Variants in ACP2 observed in about 807,000 individuals in gnomAD.
ACP2 encodes lysosomal acid phosphatase.
Under a neutral mutation model 54.7 loss-of-function variants are expected in ACP2, and 35 were observed. The ratio of observed to expected loss-of-function variants is 0.64; its 90% CI spans 0.49 to 0.85. The LOEUF (loss-of-function observed/expected upper bound fraction) is 0.85. Among genes scored for constraint, ACP2 ranks in the 40% least tolerant of loss-of-function variants. The pLI is 0.00. For synonymous variants in ACP2, 210 were observed against 224.4 expected (o/e 0.94, Z 0.57); for missense variants, 492 against 565.0 (o/e 0.87, Z 1.31).
At chr11:47,244,074 C>T (rs1451602493) in intron 7 of ACP2, among the ~76,000 whole-genome samples, 1 of 151,910 alleles carries the variant, frequency 6.6e-6, no homozygotes, top group African/African-American at 2.4e-5. Flanking sequence ...GAGGTGGAGG[C>T]TGCAATGAGC....
intron 10 of ACP2, 74 bp downstream of exon 10, chr11:47,242,649 G>C: frequency 6.5e-7 from 1 of 1,535,544 alleles, no homozygotes; most frequent in Non-Finnish European, 8.9e-7. Context: ...AAGTGCGACA[G>C]CTCTTGAGAT....
rs369759837 is a variant in ACP2 at position 47,242,788 on chromosome 11, G to A, written c.1073C>T (p.Thr358Ile). 2.1e-5 allele frequency: 34 copies of A among 1,614,104 alleles called. No individual in the cohort carries two copies. The highest frequency in any genetic ancestry group is 2.7e-5 in the Non-Finnish European group (32 of 1,180,032). ...RCPLQDFLRL[T>I]EPVVPKDWQQ... ...CCAATCCTTGGGCACGACGGGCTCTGTGAGGCGAAGGAAGTCCTGCAGTGG... is the reference window on the plus strand; with the variant it reads ...CCAATCCTTGGGCACGACGGGCTCTATGAGGCGAAGGAAGTCCTGCAGTGG... Residue 358 changes from threonine (T) to isoleucine (I), a missense_variant, in exon 10 of 11, where the codon ACA (threonine) becomes ATA (isoleucine). Thr to Ile is a moderately conservative substitution (Grantham distance 89, BLOSUM62 -1). Transcript: ENST00000672073.
rs539669679 is a variant in ACP2, at chr11:47,240,112, G to C, written c.*4C>G. The C allele has an allele frequency of 5.0e-6, 8 of 1,612,816 alleles. No homozygotes were observed. In the East Asian group the frequency reaches 1.8e-4, roughly 36 times the overall value. ...GAGGTGGAGGGAAGGGGGCTGAGTG[G>C]TTGTCAGGCGTGGTCCTCCCCATCT... On this transcript the variant is annotated 3_prime_UTR_variant, in exon 11 of 11. Coordinates refer to ENST00000672073, the MANE Select transcript of ACP2 (RefSeq NM_001610.4).
At chr11:47,245,867 T>TGTGTGTGTGTGTGTGG in intron 3 of ACP2, 33 bp from the exon 4 acceptor site, 1 of 1,515,582 alleles carries the variant, frequency 6.6e-7, no homozygotes, top group South Asian at 1.3e-5. Flanking sequence ...CGTGTGTGTG[T>TGTGTGTGTGTGTGTGG]GTGTGTGTGT....
rs1779819810 is a variant in ACP2 at position 47,242,783 on chromosome 11, GCT to G, written c.1076_1077del (p.Glu359AlafsTer104). On this transcript the variant is annotated frameshift_variant, in exon 10 of 11. Coordinates refer to ENST00000672073, the MANE Select transcript of ACP2 (RefSeq NM_001610.4). LOFTEE classifies it high-confidence loss of function. ...CPLQDFLRLTEPVVPKDWQQE... is the reference protein window; with the variant it reads ...CPLQDFLRLTXPVVPKDWQQE... ...TGCTGCCAATCCTTGGGCACGACGG[GCT>G]CTGTGAGGCGAAGGAAGTCCTGCAG... is the stretch of plus-strand genomic sequence containing the variant. 6.2e-7 allele frequency: 1 copy of G among 1,614,188 alleles called. No homozygotes were observed. The highest frequency in any genetic ancestry group is 8.5e-7 in the Non-Finnish European group (1 of 1,180,016).
In ACP2 at chr11:47,245,714, G is replaced by T; in HGVS notation, c.418C>A (p.Pro140Thr). The change falls in exon 4 of 11, where the codon CCT becomes ACT. Residue 140 changes from proline to threonine, a missense_variant. Coordinates refer to ENST00000672073, the MANE Select transcript of ACP2 (RefSeq NM_001610.4). ...TCAGTGATGGGCACAGTGTGCACAG[G>T]AATAGGCTGCCACGAGATGTTCGGG... is the stretch of plus-strand genomic sequence containing the variant. ...FNPNISWQPIPVHTVPITEDR... is the reference protein window; with the variant it reads ...FNPNISWQPITVHTVPITEDR... The T allele has an allele frequency of 6.2e-7, 1 of 1,613,860 alleles. No individual in the cohort carries two copies. The highest frequency in any genetic ancestry group is 1.1e-5 in the South Asian group (1 of 91,012).
In ACP2 at chr11:47,240,081, C is replaced by T. The variant is rs754800835; in HGVS notation, c.*35G>A. ...CAGGAGCGAGGGCCCAGCCCACCTC[C>T]CCTAGGAGGTGGAGGGAAGGGGGCT... is the stretch of plus-strand genomic sequence containing the variant. On this transcript the variant is annotated 3_prime_UTR_variant, in exon 11 of 11. Transcript: ENST00000672073. The T allele has an allele frequency of 3.7e-6, 6 of 1,603,416 alleles. No individual in the cohort carries two copies. In the South Asian group the frequency reaches 5.6e-5, roughly 15 times the overall value.
chr11:47,243,031 G>A lies in ACP2; in HGVS notation c.949C>T (p.Gln317Ter), dbSNP rs963819716. ...YASCHIFELY[Q>*]EDSGNFSVEM... ...AGCTCCACTCACCCAGAATCTTCCT[G>A]GTACAGTTCAAATATGTGGCAGGAG... Residue 317 changes from glutamine to a stop codon, truncating the protein, a stop_gained, in exon 9 of 11, where the codon CAG becomes TAG. Transcript: ENST00000672073. LOFTEE classifies it high-confidence loss of function. 1 of 1,614,222 alleles carries A rather than the reference G, an allele frequency of 6.2e-7. No individual in the cohort carries two copies. The highest frequency in any genetic ancestry group is 1.6e-4 in the Middle Eastern group (1 of 6,062).
rs769811216 is a variant in ACP2, at chr11:47,245,768, A to G, written c.364T>C (p.Phe122Leu). 73 of 1,612,870 alleles carry G rather than the reference A, an allele frequency of 4.5e-5. No homozygotes were observed. The highest frequency in any genetic ancestry group is 5.8e-5 in the Non-Finnish European group (68 of 1,179,312). The change falls in exon 4 of 11, where the codon TTC (phenylalanine) becomes CTC (leucine). Residue 122 changes from phenylalanine (F) to leucine (L), a missense_variant. Phe to Leu is a conservative substitution (Grantham distance 22, BLOSUM62 0). Transcript: ENST00000672073. Reference sequence around the variant, plus strand: ...AAGCGCTGCATCCCGTTGGGAGGGAAGAGTCCAGCCAGGTTGGCCTCAGCA... The same window carrying G: ...AAGCGCTGCATCCCGTTGGGAGGGAGGAGTCCAGCCAGGTTGGCCTCAGCA... ...MSAEANLAGLFPPNGMQRFNP... is the reference protein window; with the variant it reads ...MSAEANLAGLLPPNGMQRFNP...
intron 3 of ACP2, among the ~76,000 whole-genome samples, chr11:47,246,445 G>A (rs370943785): frequency 3.3e-5 from 5 of 151,888 alleles, no homozygotes; most frequent in African/African-American, 4.8e-5. Context: ...CAAGTGTGGC[G>A]GGCACTTGTA....
intron 2 of ACP2, 70 bp from the exon 3 acceptor site, chr11:47,247,797 C>A: frequency 6.8e-7 from 1 of 1,469,270 alleles, no homozygotes; most frequent in Non-Finnish European, 9.3e-7. Flanking sequence ...GGGGTTTAGG[C>A]CCTGTTGCTT....
At position 47,244,876 on chromosome 11, in the gene ACP2, C is replaced by A. The variant is rs372228214; in HGVS notation, c.640-9G>T. Reference sequence around the variant, plus strand: ...CGCAGCCCGTGCGTTTGCTGTGTATCGCAGCAGGCAGGTTAGCGCCCCAGG... The same window carrying A: ...CGCAGCCCGTGCGTTTGCTGTGTATAGCAGCAGGCAGGTTAGCGCCCCAGG... On this transcript the variant is annotated splice_polypyrimidine_tract_variant and intron_variant, in intron 6 of 10. Transcript: ENST00000672073. The A allele has an allele frequency of 1.3e-6, 2 of 1,596,178 alleles. No homozygotes were observed. Among genetic ancestry groups the A allele is most frequent in the Admixed American group, 3.4e-5 (2 of 58,362 alleles).
At position 47,245,456 on chromosome 11, in the gene ACP2, A is replaced by C; in HGVS notation, c.549+18T>G. ...GGGAAAAGACAGCGTGGTGAGCTGCACCTCTGCCCCCACTCACTGCATTCC... is the reference window on the plus strand; with the variant it reads ...GGGAAAAGACAGCGTGGTGAGCTGCCCCTCTGCCCCCACTCACTGCATTCC... On this transcript the variant is annotated intron_variant, in intron 5 of 10. Coordinates refer to ENST00000672073, the MANE Select transcript of ACP2 (RefSeq NM_001610.4). The C allele has an allele frequency of 1.9e-6, 3 of 1,614,102 alleles. No homozygotes were observed. The highest frequency in any genetic ancestry group is 2.2e-5 in the South Asian group (2 of 91,080).
At chr11:47,241,705 T>C (rs939280686) in intron 10 of ACP2, among the ~76,000 whole-genome samples, 86 of 152,090 alleles carry the variant, frequency 5.7e-4, no homozygotes, top group African/African-American at 1.8e-3. Flanking sequence ...ATGAGGGGTA[T>C]GAGAAACGGT....
intron 3 of ACP2, chr11:47,247,293 G>GTA: frequency 2.8e-6 from 1 of 358,590 alleles, no homozygotes; most frequent in Non-Finnish European, 5.3e-6. Context: ...GATCATATCT[G>GTA]TATGGTGCAC....
chr11:47,240,182 G>A lies in ACP2; in HGVS notation c.1206C>T (p.Val402=). ...LFLLIVLLLT[V]LFRMQAQPPG... Reference sequence around the variant, plus strand: ...GAGGCTGGGCCTGCATCCGGAAGAGGACGGTGAGGAGCAGCACTATGAGGA... The same window carrying A: ...GAGGCTGGGCCTGCATCCGGAAGAGAACGGTGAGGAGCAGCACTATGAGGA... Residue 402 remains valine (V), a synonymous_variant, in exon 11 of 11, where the codon GTC becomes GTT. Coordinates refer to ENST00000672073, the MANE Select transcript of ACP2 (RefSeq NM_001610.4). 6.2e-7 allele frequency: 1 copy of A among 1,614,192 alleles called. No individual in the cohort carries two copies.
intron 3 of ACP2, among the ~76,000 whole-genome samples, chr11:47,247,209 G>A (rs922568055): frequency 4.6e-5 from 7 of 152,232 alleles, no homozygotes; most frequent in South Asian, 4.1e-4. Flanking sequence ...TGTCTTCCCC[G>A]CTGTCTTTCA....
chr11:47,246,765 AC>A (rs927823584), intron 3 of ACP2, among the ~76,000 whole-genome samples: 46 of 152,248 alleles, frequency 3.0e-4, no homozygotes, highest in African/African-American at 1.0e-3. Flanking sequence ...AATCCCAGCT[AC>A]TTGGGAGGCT....
chr11:47,243,348 C>T (rs1204622989), intron 7 of ACP2, 27 bp from the exon 8 acceptor site: 11 of 1,600,526 alleles, frequency 6.9e-6, no homozygotes. Flanking sequence ...CCCGGTGTTG[C>T]TGGCTACAGC....
Sources: allele counts gnomAD v4.1 joint callset (sites outside exome capture counted in the v4.1 genomes callset), GRCh38; gene constraint gnomAD v4.1.1; transcripts MANE v1.5; gene names NCBI Gene and HGNC (gene_info 2026-07-23, HGNC 2026-07-21).